The following GSE1 variants were observed in gnomAD, a reference collection of about 807,000 sequenced individuals.
GSE1 encodes Gse1 coiled-coil protein.
GSE1 carries 32 observed loss-of-function variants against 112.6 expected under a neutral mutation model. The ratio of observed to expected loss-of-function variants is 0.28; its 90% CI spans 0.21 to 0.38. The LOEUF is 0.38. Among genes scored for constraint, GSE1 ranks in the 10% least tolerant of loss-of-function variants. The pLI, the probability that GSE1 is intolerant of heterozygous loss-of-function variation, is 1.00. For missense variants in GSE1, 2,348 were observed against 1,699.2 expected (o/e 1.38, Z -6.71); for synonymous variants, 1,115 against 735.6 (o/e 1.52, Z -8.35).
chr16:85,554,962 C>G (rs898726583), upstream of GSE1: 1 of 985,294 alleles, frequency 1.0e-6, no homozygotes, highest in Non-Finnish European at 1.2e-6. Flanking sequence ...GAGGCGAGCC[C>G]GGCTTCCTGC....
At chr16:85,555,947 C>A (rs2045188563), upstream of GSE1, 1 of 982,450 alleles carries the variant, frequency 1.0e-6, no homozygotes, top group Admixed American at 6.2e-5. Flanking sequence ...CCGCCGCGCT[C>A]CCCCCTCCTT....
chr16:85,210,903 T>G (rs1291553417), intron 1 of GSE1, among the ~76,000 whole-genome samples: 1 of 152,204 alleles, frequency 6.6e-6, no homozygotes, highest in Admixed American at 6.5e-5. Flanking sequence ...AAGCAAGCTG[T>G]GTGATCTTGG....
At chr16:85,375,739 T>TTGGAC (rs10651438) in intron 2 of GSE1, among the ~76,000 whole-genome samples, 1 of 151,514 alleles carries the variant, frequency 6.6e-6, no homozygotes, top group Non-Finnish European at 1.5e-5. Context: ...CACACAGGCC[T>TTGGAC]GCCTGTCTCT....
intron 3 of GSE1, 83 bp from the exon 4 acceptor site, chr16:85,654,195 C>CT: frequency 7.7e-7 from 1 of 1,295,128 alleles, no homozygotes; most frequent in Non-Finnish European, 1.1e-6. Flanking sequence ...AGCGCCTTCC[C>CT]GTGAGTCAGG....
At chr16:85,498,512 CAG>C (rs1418308391) in intron 2 of GSE1, among the ~76,000 whole-genome samples, 1 of 152,148 alleles carries the variant, frequency 6.6e-6, no homozygotes, top group Non-Finnish European at 1.5e-5. Flanking sequence ...CAAACATACA[CAG>C]AGATACATGC....
At chr16:85,371,979 G>C (rs918359139) in intron 2 of GSE1, among the ~76,000 whole-genome samples, 2 of 152,242 alleles carry the variant, frequency 1.3e-5, no homozygotes, top group African/African-American at 4.8e-5. Flanking sequence ...GAAGCGTGCA[G>C]AGGGGCTCCG....
intron 2 of GSE1, among the ~76,000 whole-genome samples, chr16:85,470,837 G>A (rs1430358326): frequency 6.6e-6 from 1 of 152,186 alleles, no homozygotes; most frequent in Non-Finnish European, 1.5e-5. Context: ...GTGTAACCGT[G>A]GCAGTTTGGT....
chr16:85,478,927 C>CTTTCTTTCTT lies in GSE1; in HGVS notation c.2464+121285_2464+121286insTTCTTTCTTT, dbSNP rs1285190496. ...TCTTTCTTTCTTTCTTTCTTTCTTT[C>CTTTCTTTCTT]TCTTTCTTTCTTTCTTTCTTTTTTT... is the stretch of plus-strand genomic sequence containing the variant. On this transcript the variant is annotated intron_variant, in intron 2 of 2. Transcript: ENST00000637419. Among the ~76,000 whole-genome samples the CTTTCTTTCTT allele has an allele frequency of 1.2e-3, 34 of 28,058 alleles. 4 individuals carry two copies. Among genetic ancestry groups the CTTTCTTTCTT allele is most frequent in the African/African-American group, 4.6e-3 (30 of 6,532 alleles). The allele number at this position is 28,058 out of a possible 152,430, so 18.4% of individuals were successfully genotyped here.
intron 1 of GSE1, among the ~76,000 whole-genome samples, chr16:85,280,455 G>A (rs1309479829): frequency 1.3e-5 from 2 of 152,154 alleles, no homozygotes; most frequent in African/African-American, 4.8e-5. Flanking sequence ...GAGTGTAGTG[G>A]TGCAGTCTCG....
At chr16:85,507,547 G>A (rs1411513866) in intron 2 of GSE1, among the ~76,000 whole-genome samples, 1 of 152,242 alleles carries the variant, frequency 6.6e-6, no homozygotes, top group Non-Finnish European at 1.5e-5. Context: ...TTTCCTTGCA[G>A]TTCTGGAGGC....
chr16:85,659,630 A>G (rs191014124), intron 8 of GSE1: 4 of 152,328 alleles, frequency 2.6e-5, no homozygotes, highest in Non-Finnish European at 5.9e-5. Context: ...GCTCCTGTAA[A>G]TAGCCACTGC....
chr16:85,637,430 G>A (rs927920724), intron 2 of GSE1, among the ~76,000 whole-genome samples: 1 of 152,148 alleles, frequency 6.6e-6, no homozygotes, highest in African/African-American at 2.4e-5. Context: ...GGACCAGTGA[G>A]GGCCTCCCCA....
chr16:85,301,005 G>C (rs1351371224), intron 1 of GSE1, among the ~76,000 whole-genome samples: 2 of 152,204 alleles, frequency 1.3e-5, no homozygotes, highest in African/African-American at 2.4e-5. Context: ...ACAGGGTCCA[G>C]TGTGTTCCCT....
intron 1 of GSE1, among the ~76,000 whole-genome samples, chr16:85,217,243 G>A (rs1193039648): frequency 6.6e-6 from 1 of 152,246 alleles, no homozygotes; most frequent in Admixed American, 6.5e-5. Flanking sequence ...GGACGATGGG[G>A]GAAAAGGGTG....
At position 85,654,982 on chromosome 16, in the gene GSE1, C is replaced by T. The variant is rs772113383; in HGVS notation, c.788C>T (p.Pro263Leu). The change falls in exon 5 of 16, where the codon CCG (proline) becomes CTG (leucine). Residue 263 changes from proline to leucine, a missense_variant. Coordinates refer to ENST00000253458, the MANE Select transcript of GSE1 (RefSeq NM_014615.5). ...SYLAPHPFPH[P>L]AFRMDDSYCL... ...CTGGCCCCACACCCCTTCCCCCACC[C>T]GGCCTTCAGGTGAGGCATCCCCCAC... is the stretch of plus-strand genomic sequence containing the variant. 28 of 1,587,402 alleles carry T rather than the reference C, an allele frequency of 1.8e-5. No homozygotes were observed. Among genetic ancestry groups the T allele is most frequent in the Admixed American group, 8.5e-5 (5 of 58,848 alleles).
chr16:85,561,031 C>G (rs1295955963), intron 1 of GSE1, among the ~76,000 whole-genome samples: 2 of 151,780 alleles, frequency 1.3e-5, no homozygotes, highest in Non-Finnish European at 2.9e-5. Context: ...ACTCAGGAGG[C>G]TGAGGTGAGA....
intron 10 of GSE1, 124 bp downstream of exon 10, chr16:85,663,217 G>T: frequency 7.7e-7 from 1 of 1,306,766 alleles, no homozygotes; most frequent in Non-Finnish European, 1.1e-6. Context: ...GCCCCATGAA[G>T]CTCTTCTCCC....
intron 2 of GSE1, among the ~76,000 whole-genome samples, chr16:85,445,441 G>T (rs546548097): frequency 2.6e-5 from 4 of 152,330 alleles, no homozygotes; most frequent in African/African-American, 4.8e-5. Flanking sequence ...GCACAGCGAG[G>T]GGGGGCGGCC....
chr16:85,644,261 C>T (rs559500084), intron 2 of GSE1, among the ~76,000 whole-genome samples: 4 of 152,014 alleles, frequency 2.6e-5, no homozygotes, highest in African/African-American at 4.8e-5. Context: ...ATCACTTGAA[C>T]CCAGGAGGTT....
Sources: gnomAD v4.1 joint callset for allele counts (sites outside exome capture counted in the v4.1 genomes callset) on GRCh38, gnomAD v4.1.1 for gene constraint, MANE v1.5 for transcripts, NCBI Gene and HGNC (gene_info 2026-07-23, HGNC 2026-07-21) for gene names.